GPC1: variants seen among roughly 807,000 people sequenced by gnomAD.
GPC1 encodes the protein glypican-1.
A neutral mutation model predicts 51.5 loss-of-function variants in GPC1; 26 were observed. The observed-to-expected ratio is 0.50, with a 90% confidence interval of 0.37 to 0.70. The LOEUF is 0.70. Among genes scored for constraint, GPC1 ranks in the 30% least tolerant of loss-of-function variants. The pLI, the probability that GPC1 is intolerant of heterozygous loss-of-function variation, is 0.00. For synonymous variants in GPC1, 380 were observed against 348.3 expected (o/e 1.09, Z -1.01); for missense variants, 775 against 800.5 (o/e 0.97, Z 0.38).
Position 240,453,319 on chromosome 2 carries a change from CCGCCCCGCTCCCACCG to C in GPC1, c.167-5709_167-5694del. ...GGCGTCCCCGCCCCGCTCCCACCGC[CCGCCCCGCTCCCACCG>C]CCCGCCCCGCTCCCACCGCCCGCCC... On this transcript the variant is annotated intron_variant, in intron 1 of 8. Coordinates refer to ENST00000264039, the MANE Select transcript of GPC1 (RefSeq NM_002081.3). Among the ~76,000 whole-genome samples, 2 of 43,442 alleles carry C rather than the reference CCGCCCCGCTCCCACCG, an allele frequency of 4.6e-5. 1 individual carries two copies. The highest frequency in any genetic ancestry group is 1.9e-3 in the South Asian group (2 of 1,068). 28.5% of individuals were successfully genotyped at this position (43,442 alleles called of 152,430 possible).
intron 4 of GPC1, chr2:240,463,898 C>CT (rs1010672091): frequency 3.6e-6 from 1 of 276,356 alleles, no homozygotes; most frequent in African/African-American, 2.2e-5. Context: ...TGCTCACTTG[C>CT]TGACACACAG....
chr2:240,464,812 G>T, intron 5 of GPC1, 44 bp from the exon 6 acceptor site: 1 of 1,566,634 alleles, frequency 6.4e-7, no homozygotes, highest in South Asian at 1.2e-5. Flanking sequence ...CATTGGGCTT[G>T]AGGGGCCCCA....
Position 240,450,478 on chromosome 2 carries a change from G to A in GPC1, c.167-8552G>A, listed in dbSNP as rs1429890133. ...CACAGGTCACTTTAGCTCTCTATGT[G>A]TCAGCTATGTCAGCGGGACCTACAG... On this transcript the variant is annotated intron_variant, in intron 1 of 8. Coordinates refer to ENST00000264039, the MANE Select transcript of GPC1 (RefSeq NM_002081.3). 5 of 417,638 alleles carry A rather than the reference G, an allele frequency of 1.2e-5. No individual in the cohort carries two copies. In the Admixed American group the frequency reaches 1.3e-4, roughly 11 times the overall value. 25.9% of individuals were successfully genotyped at this position (417,638 alleles called of 1,614,324 possible).
chr2:240,448,948 T>C lies in GPC1; in HGVS notation c.167-10082T>C, dbSNP rs2074072348. Among the ~76,000 whole-genome samples, 1 of 151,658 alleles carries C rather than the reference T, an allele frequency of 6.6e-6. No individual in the cohort carries two copies. The highest frequency in any genetic ancestry group is 2.4e-5 in the African/African-American group (1 of 41,242). On this transcript the variant is annotated intron_variant, in intron 1 of 8. Coordinates refer to ENST00000264039, the MANE Select transcript of GPC1 (RefSeq NM_002081.3). The surrounding 1 kb of genome is among the most constrained non-coding windows in gnomAD (Gnocchi z 4.5). ...TATCAAGCCTGGGCTTCTCATTTCCTCCCCTTCAGTGAGGACAGGGGGACA... is the reference window on the plus strand; with the variant it reads ...TATCAAGCCTGGGCTTCTCATTTCCCCCCCTTCAGTGAGGACAGGGGGACA...
At chr2:240,465,056 G>A (rs1021120092) in intron 6 of GPC1, 21 bp from the exon 7 acceptor site, 10 of 1,591,608 alleles carry the variant, frequency 6.3e-6, no homozygotes, top group Non-Finnish European at 8.5e-6. Context: ...GCAGCCCAGT[G>A]GCCTGACTGC....
Position 240,464,753 on chromosome 2 carries a change from G to A in GPC1, c.1014+7G>A. Reference sequence around the variant, plus strand: ...GGACACGCTCACGGCCAAGGTGCGGGCAGGAGGACGTGACGAGCACAGCGG... The same window carrying A: ...GGACACGCTCACGGCCAAGGTGCGGACAGGAGGACGTGACGAGCACAGCGG... On this transcript the variant is annotated splice_region_variant and intron_variant, in intron 5 of 8. Coordinates refer to ENST00000264039, the MANE Select transcript of GPC1 (RefSeq NM_002081.3). The A allele has an allele frequency of 6.2e-7, 1 of 1,603,434 alleles. No homozygotes were observed. Among genetic ancestry groups the A allele is most frequent in the South Asian group, 1.1e-5 (1 of 89,670 alleles).
chr2:240,446,604 T>G (rs1187665073), intron 1 of GPC1, among the ~76,000 whole-genome samples: 1 of 152,164 alleles, frequency 6.6e-6, no homozygotes, highest in Non-Finnish European at 1.5e-5. Flanking sequence ...GGCTCCCAAG[T>G]GCAGTTTGGC....
At chr2:240,457,141 G>A (rs573656336) in intron 1 of GPC1, among the ~76,000 whole-genome samples, 3 of 152,142 alleles carry the variant, frequency 2.0e-5, no homozygotes, top group African/African-American at 7.2e-5. Context: ...CAGCCCCTGC[G>A]GAGGACTCCC....
At chr2:240,441,387 C>CT (rs1559193631) in intron 1 of GPC1, among the ~76,000 whole-genome samples, 10 of 122,254 alleles carry the variant, frequency 8.2e-5, no homozygotes, top group Admixed American at 7.7e-4. Context: ...TCTGCCGTGC[C>CT]CGGGCCAGTG....
chr2:240,436,282 C>T (rs895995873), intron 1 of GPC1, among the ~76,000 whole-genome samples, 198 bp downstream of exon 1: 1 of 152,110 alleles, frequency 6.6e-6, no homozygotes, highest in African/African-American at 2.4e-5. Flanking sequence ...CGCCGCACTC[C>T]CTCGCCAGGG....
chr2:240,461,262 G>A (rs1479746490), intron 2 of GPC1, among the ~76,000 whole-genome samples: 2 of 152,178 alleles, frequency 1.3e-5, no homozygotes, highest in African/African-American at 4.8e-5. Flanking sequence ...AGGGGTCAGC[G>A]TGGGGGCTGA....
In GPC1 at chr2:240,464,845, T is replaced by C; in HGVS notation, c.1015-11T>C. 6.4e-7 allele frequency: 1 copy of C among 1,559,600 alleles called. No homozygotes were observed. Among genetic ancestry groups the C allele is most frequent in the Non-Finnish European group, 8.7e-7 (1 of 1,150,988 alleles). On this transcript the variant is annotated splice_polypyrimidine_tract_variant and intron_variant, in intron 5 of 8. Transcript: ENST00000264039. ...CCACTACCCCCCAAGGACCCTGCAG[T>C]GTCTCTCCAGGTCATCCAGGGCTGC...
chr2:240,442,891 G>C (rs922079134), intron 1 of GPC1, among the ~76,000 whole-genome samples: 4 of 152,244 alleles, frequency 2.6e-5, no homozygotes, highest in Non-Finnish European at 5.9e-5. Flanking sequence ...GTGACAGTGT[G>C]AGGGAGTGAC....
Position 240,466,339 on chromosome 2 carries a change from A to C in GPC1, c.*49A>C. 9.6e-7 allele frequency: 1 copy of C among 1,039,434 alleles called. No individual in the cohort carries two copies. Among genetic ancestry groups the C allele is most frequent in the South Asian group, 1.3e-5 (1 of 75,624 alleles). The allele number at this position is 1,039,434 out of a possible 1,614,324, so 64.4% of individuals were successfully genotyped here. ...AGGCCAAGGACTGACTTTGCCAAAA[A>C]TACAACACAGACGATATTTAATTCA... On this transcript the variant is annotated 3_prime_UTR_variant, in exon 9 of 9. Coordinates refer to ENST00000264039, the MANE Select transcript of GPC1 (RefSeq NM_002081.3).
At chr2:240,436,209 C>G in intron 1 of GPC1, 125 bp downstream of exon 1, 2 of 561,396 alleles carry the variant, frequency 3.6e-6, no homozygotes, top group Non-Finnish European at 5.3e-6. Flanking sequence ...GCCGCCCGGG[C>G]CCCGAATGGC....
intron 1 of GPC1, chr2:240,450,307 G>A (rs1005985004): frequency 4.8e-5 from 16 of 335,744 alleles, no homozygotes; most frequent in South Asian, 3.7e-4. Flanking sequence ...AGCAGGGCTT[G>A]TCAGCTCCTG....
chr2:240,445,878 G>T (rs943150544), intron 1 of GPC1, among the ~76,000 whole-genome samples: 2 of 152,164 alleles, frequency 1.3e-5, no homozygotes, highest in African/African-American at 4.8e-5. Context: ...TATTAGGCCC[G>T]TTGCGGCTCC....
At chr2:240,444,538 G>A (rs2074037442) in intron 1 of GPC1, among the ~76,000 whole-genome samples, 1 of 152,190 alleles carries the variant, frequency 6.6e-6, no homozygotes, top group Non-Finnish European at 1.5e-5. Context: ...TTAGGCCCAT[G>A]CAGCAGCGAC....
Position 240,462,495 on chromosome 2 carries a change from C to T in GPC1, c.630C>T (p.Arg210=), listed in dbSNP as rs578028636. Residue 210 remains arginine (R), a synonymous_variant, in exon 3 of 9, where the codon CGC becomes CGT. Coordinates refer to ENST00000264039, the MANE Select transcript of GPC1 (RefSeq NM_002081.3). ...TCGGGGAGGCCCCGAGAGAGCTGCG[C>T]CTGCGGGCCACCCGTGCCTTCGTGG... ...RPFGEAPREL[R]LRATRAFVAA... The T allele has an allele frequency of 7.1e-5, 113 of 1,596,400 alleles. 1 individual carries two copies. In the South Asian group the frequency reaches 1.1e-3, roughly 15 times the overall value.
Sources: gnomAD v4.1 joint callset for allele counts (sites outside exome capture counted in the v4.1 genomes callset) on GRCh38, gnomAD v4.1.1 for gene constraint, Gnocchi (gnomAD v3.1) non-coding constraint, MANE v1.5 for transcripts, NCBI Gene and HGNC (gene_info 2026-07-23, HGNC 2026-07-21) for gene names.